The following ZNF423 variants were observed in gnomAD, a reference collection of about 807,000 sequenced individuals.
The protein encoded by ZNF423 is Ebf-associated zinc finger protein.
Under a neutral mutation model 95.8 loss-of-function variants are expected in ZNF423, and 12 were observed. The ratio of observed to expected loss-of-function variants is 0.13; its 90% CI spans 0.08 to 0.20. The LOEUF (loss-of-function observed/expected upper bound fraction) is 0.20, where lower values mean the gene tolerates loss of function less well. ZNF423 is among the 10% of genes least tolerant of loss of function. The pLI is 1.00. For missense variants in ZNF423, 1,316 were observed against 1,737.1 expected (o/e 0.76, Z 4.31); for synonymous variants, 749 against 711.9 (o/e 1.05, Z -0.83).
chr16:49,815,904 ATATATATATATTTTTTTTTT>A (rs2034843001), intron 1 of ZNF423, among the ~76,000 whole-genome samples: 6 of 46,614 alleles, frequency 1.3e-4, no homozygotes, highest in African/African-American at 5.3e-4. Flanking sequence ...ATATATATAT[ATATATATATATTTTTTTTTT>A]TTTTTTTTTT....
At chr16:49,743,948 C>T (rs1350274780) in intron 2 of ZNF423, among the ~76,000 whole-genome samples, 1 of 152,164 alleles carries the variant, frequency 6.6e-6, no homozygotes, top group Non-Finnish European at 1.5e-5. Flanking sequence ...CTATCCCACC[C>T]CAGGAGGAGT....
intron 2 of ZNF423, among the ~76,000 whole-genome samples, chr16:49,781,461 T>C (rs529968722): frequency 1.3e-5 from 2 of 152,246 alleles, no homozygotes; most frequent in East Asian, 3.9e-4. Flanking sequence ...GGACTTCATC[T>C]AGAAGCTTAT....
chr16:49,552,891 C>A (rs577142287), intron 5 of ZNF423, among the ~76,000 whole-genome samples: 24 of 151,958 alleles, frequency 1.6e-4, no homozygotes, highest in African/African-American at 5.8e-4. Flanking sequence ...GATGGGGATG[C>A]AGAAGAGACC....
intron 3 of ZNF423, among the ~76,000 whole-genome samples, chr16:49,710,782 A>C (rs1484695905): frequency 1.3e-5 from 2 of 152,228 alleles, no homozygotes; most frequent in Non-Finnish European, 2.9e-5. Context: ...GGCAATGCTA[A>C]GGAACACTGT....
At chr16:49,832,201 T>C (rs552132400) in intron 1 of ZNF423, among the ~76,000 whole-genome samples, 2 of 152,222 alleles carry the variant, frequency 1.3e-5, no homozygotes, top group African/African-American at 4.8e-5. Context: ...ATTCCCTTAA[T>C]GGACAGGTAT....
chr16:49,588,995 A>C (rs781610037), intron 5 of ZNF423, among the ~76,000 whole-genome samples: 40 of 152,366 alleles, frequency 2.6e-4, no homozygotes, highest in Middle Eastern at 6.8e-3. Flanking sequence ...TACTGCTCAC[A>C]GCAGCAATGT....
At chr16:49,762,391 C>G (rs1044075912) in intron 2 of ZNF423, among the ~76,000 whole-genome samples, 1 of 152,196 alleles carries the variant, frequency 6.6e-6, no homozygotes, top group African/African-American at 2.4e-5. Flanking sequence ...GATGCCCAGA[C>G]AGAATGCCCC....
At chr16:49,796,910 G>A (rs143598605) in intron 1 of ZNF423, among the ~76,000 whole-genome samples, 3 of 152,242 alleles carry the variant, frequency 2.0e-5, no homozygotes, top group African/African-American at 7.2e-5. Context: ...AGCACCCATA[G>A]ACCAATGGCT....
intron 7 of ZNF423, chr16:49,518,070 C>T (rs904939956): frequency 6.7e-6 from 3 of 450,918 alleles, no homozygotes; most frequent in African/African-American, 6.0e-5. Context: ...AGGAGCATAA[C>T]CAGGATCACA....
chr16:49,511,119 T>C lies in ZNF423; in HGVS notation c.3849+12505A>G, dbSNP rs142273496. On this transcript the variant is annotated intron_variant, in intron 7 of 7. Transcript: ENST00000563137. ...GACCCTCAAGGCTCACGAGGGTATC[T>C]GAGCACAGCTGGACACAGACTTCTG... Among the ~76,000 whole-genome samples the C allele has an allele frequency of 9.8e-5, 15 of 152,350 alleles. No homozygotes were observed. The East Asian group carries it at 2.7e-3, about 27-fold the overall frequency.
At chr16:49,698,712 C>T (rs1271124197) in intron 3 of ZNF423, among the ~76,000 whole-genome samples, 1 of 152,192 alleles carries the variant, frequency 6.6e-6, no homozygotes, top group Non-Finnish European at 1.5e-5. Context: ...GCCCTGCTCC[C>T]GGACCCTCTG....
Position 49,630,339 on chromosome 16 carries a change from T to A in ZNF423, c.3517-4085A>T, listed in dbSNP as rs1972455247. ...TCTCCAGCATCAAAACCATCCCTTC[T>A]GTCTCACATGTGCCCCCACCTACTC... On this transcript the variant is annotated intron_variant, in intron 4 of 7. Coordinates refer to ENST00000563137, the MANE Select transcript of ZNF423 (RefSeq NM_001379286.1). Among the ~76,000 whole-genome samples the A allele has an allele frequency of 3.3e-5, 5 of 152,310 alleles. No individual in the cohort carries two copies. In the South Asian group the frequency reaches 1.0e-3, roughly 32 times the overall value.
intron 3 of ZNF423, among the ~76,000 whole-genome samples, chr16:49,693,280 C>G (rs1033970623): frequency 6.6e-6 from 1 of 152,174 alleles, no homozygotes; most frequent in South Asian, 2.1e-4. Context: ...GGGAAGAACC[C>G]GTGAGTATGA....
At chr16:49,704,608 C>CCATG (rs2032294182) in intron 3 of ZNF423, among the ~76,000 whole-genome samples, 1 of 152,206 alleles carries the variant, frequency 6.6e-6, no homozygotes, top group Non-Finnish European at 1.5e-5. Flanking sequence ...TTTGCTTACT[C>CCATG]CATGCATGCA....
At chr16:49,494,013 G>T (rs1030068024) in intron 7 of ZNF423, among the ~76,000 whole-genome samples, 11 of 152,244 alleles carry the variant, frequency 7.2e-5, no homozygotes, top group African/African-American at 2.7e-4. Context: ...GGCACAGGGG[G>T]TGTCTGGGAT....
chr16:49,496,453 C>G (rs1446698341), intron 7 of ZNF423, among the ~76,000 whole-genome samples: 1 of 152,110 alleles, frequency 6.6e-6, no homozygotes. Context: ...TCTGGTGCCT[C>G]CTTGCAATCT....
intron 3 of ZNF423, chr16:49,664,214 C>T (rs1199062480): frequency 2.0e-6 from 2 of 985,404 alleles, no homozygotes; most frequent in African/African-American, 1.7e-5. Context: ...CGCTTCCCAC[C>T]GGCCCACTGG....
At chr16:49,555,954 G>A (rs77961036) in intron 5 of ZNF423, among the ~76,000 whole-genome samples, 7,413 of 152,166 alleles carry the variant, frequency 0.049, 601 homozygotes, top group African/African-American at 0.17. Context: ...TTAACCCAAT[G>A]CCTCAGCACT....
At chr16:49,659,904 C>T (rs902158217) in intron 3 of ZNF423, among the ~76,000 whole-genome samples, 1 of 152,236 alleles carries the variant, frequency 6.6e-6, no homozygotes, top group Non-Finnish European at 1.5e-5. Flanking sequence ...ACCCAGCACA[C>T]AGTAGGCCCT....
Sources: gnomAD v4.1 joint callset for allele counts (sites outside exome capture counted in the v4.1 genomes callset) on GRCh38, gnomAD v4.1.1 for gene constraint, MANE v1.5 for transcripts, NCBI Gene and HGNC (gene_info 2026-07-23, HGNC 2026-07-21) for gene names.